ZFP14: variants seen among roughly 807,000 people sequenced by gnomAD.
ZFP14 encodes the protein ZFP14 zinc finger protein.
In ZFP14, 22 loss-of-function variants were observed where a neutral mutation model predicts 54.5. The ratio of observed to expected loss-of-function variants is 0.40; its 90% CI spans 0.29 to 0.58. The LOEUF is 0.58. ZFP14 is among the 20% of genes least tolerant of loss of function. ZFP14 has a pLI of 0.39. For missense variants in ZFP14, 470 were observed against 637.8 expected (o/e 0.74, Z 2.83); for synonymous variants, 159 against 204.0 (o/e 0.78, Z 1.88).
chr19:36,361,398 C>A (rs981459183), intron 3 of ZFP14, among the ~76,000 whole-genome samples: 7 of 152,042 alleles, frequency 4.6e-5, no homozygotes, highest in Non-Finnish European at 8.8e-5. Context: ...CGCCACCATG[C>A]CTGGCTAATT....
At chr19:36,351,902 G>A (rs931508719) in intron 4 of ZFP14, among the ~76,000 whole-genome samples, 2 of 142,696 alleles carry the variant, frequency 1.4e-5, no homozygotes, top group Non-Finnish European at 3.1e-5. Context: ...ATTAAGATCC[G>A]GCCGGGTGTG....
In ZFP14 at chr19:36,360,481, C is replaced by T. The variant is rs150854351; in HGVS notation, c.189G>A (p.Lys63=). Residue 63 remains lysine (K), a synonymous_variant, in exon 4 of 5, where the codon AAG becomes AAA. Coordinates refer to ENST00000270001, the MANE Select transcript of ZFP14 (RefSeq NM_020917.3). ...CTTCCCTCACAACCATCCCAGGTTC[C>T]TTCCTTTCTTCATCCAATAAGGTAA... ...DVITLLDEER[K]EPGMVVREGT... is the part of the protein sequence containing the mutation. 6.2e-7 allele frequency: 1 copy of T among 1,613,724 alleles called. No homozygotes were observed. The highest frequency in any genetic ancestry group is 1.3e-5 in the African/African-American group (1 of 74,936).
chr19:36,340,364 C>A lies in ZFP14; in HGVS notation c.1462G>T (p.Ala488Ser). 1.2e-6 allele frequency: 2 copies of A among 1,614,068 alleles called. No individual in the cohort carries two copies. Among genetic ancestry groups the A allele is most frequent in the Admixed American group, 1.7e-5 (1 of 60,010 alleles). ...KPYECKECGK[A>S]FRLYSFLTQH... ...GTAAGAAATGAATAAAGTCTAAAAG[C>A]CTTACCACATTCCTTACATTCATAA... The change falls in exon 5 of 5, where the codon GCT (alanine) becomes TCT (serine). Residue 488 changes from alanine (A) to serine (S), a missense_variant. Transcript: ENST00000270001. The surrounding 1 kb of genome is among the most constrained non-coding windows in gnomAD (Gnocchi z 5.4).
At chr19:36,351,693 C>A in intron 4 of ZFP14, among the ~76,000 whole-genome samples, 1 of 139,434 alleles carries the variant, frequency 7.2e-6, no homozygotes. Context: ...AGACCCCCAT[C>A]TCTAAAATAA....
rs1197385336 is a variant in ZFP14, at chr19:36,341,596, A to G, written c.236-6T>C. The stretch of plus-strand genomic sequence containing the variant: ...CCTGTATCTGGACTCCAAATCTGAA[A>G]GAAAACAAGAAAGCAAATACATACT... On this transcript the variant is annotated splice_polypyrimidine_tract_variant and splice_region_variant and intron_variant, in intron 4 of 4. Coordinates refer to ENST00000270001, the MANE Select transcript of ZFP14 (RefSeq NM_020917.3). This position sits in a 1 kb window ranked among gnomAD's most constrained non-coding sequence, Gnocchi z 4.2. 6 of 1,543,810 alleles carry G rather than the reference A, an allele frequency of 3.9e-6. No individual in the cohort carries two copies. The South Asian group carries it at 6.3e-5, about 16-fold the overall frequency.
chr19:36,345,704 C>G (rs1302572524), intron 4 of ZFP14, among the ~76,000 whole-genome samples: 3 of 152,090 alleles, frequency 2.0e-5, no homozygotes, highest in Admixed American at 6.5e-5. Context: ...AAAACAAAAT[C>G]ATGAAACCAA....
rs1316279304 is a variant in ZFP14 at position 36,341,306 on chromosome 19, A to G, written c.520T>C (p.Cys174Arg). The change falls in exon 5 of 5, where the codon TGT (cysteine) becomes CGT (arginine). Residue 174 changes from cysteine to arginine, a missense_variant. Physicochemically the swap from Cys to Arg is radical, Grantham distance 180 (BLOSUM62 -3). Transcript: ENST00000270001. This position sits in a 1 kb window ranked among gnomAD's most constrained non-coding sequence, Gnocchi z 4.2. The part of the protein sequence containing the change: ...IVHNGEKVYE[C>R]KECRKTFIRR... Reference sequence around the variant, plus strand: ...ATAAAGGTCTTCCTACACTCCTTACACTCATACACCTTTTCTCCATTATGA... The same window carrying G: ...ATAAAGGTCTTCCTACACTCCTTACGCTCATACACCTTTTCTCCATTATGA... The G allele has an allele frequency of 6.2e-7, 1 of 1,614,022 alleles. No individual in the cohort carries two copies. Among genetic ancestry groups the G allele is most frequent in the Non-Finnish European group, 8.5e-7 (1 of 1,180,044 alleles).
At position 36,352,858 on chromosome 19, in the gene ZFP14, G is replaced by A. The variant is rs182998144; in HGVS notation, c.235+7577C>T. ...TGGGAGGCTGAGGCAGAAGAATGGC[G>A]TGAACCCGGGAGGCGGAGCTTGCAG... On this transcript the variant is annotated intron_variant, in intron 4 of 4. Coordinates refer to ENST00000270001, the MANE Select transcript of ZFP14 (RefSeq NM_020917.3). 1.2e-3 allele frequency among the ~76,000 whole-genome samples: 173 copies of A among 140,130 alleles called. 23 individuals carry two copies. The East Asian group carries it at 0.025, about 20-fold the overall frequency. 91.9% of individuals were successfully genotyped at this position (140,130 alleles called of 152,430 possible). A position where few individuals can be genotyped will look rare whatever the true frequency, so the allele number is the denominator to read the frequency against.
At chr19:36,373,438 C>A (rs968931718) in intron 1 of ZFP14, among the ~76,000 whole-genome samples, 14 of 151,940 alleles carry the variant, frequency 9.2e-5, no homozygotes, top group African/African-American at 3.1e-4. Context: ...TACAAAATTT[C>A]AGTTACATAG....
At chr19:36,369,787 C>A (rs1005866021) in intron 1 of ZFP14, among the ~76,000 whole-genome samples, 2 of 151,826 alleles carry the variant, frequency 1.3e-5, no homozygotes, top group African/African-American at 4.8e-5. Flanking sequence ...GAAATCTGAT[C>A]ATCAGCAATT....
intron 1 of ZFP14, among the ~76,000 whole-genome samples, chr19:36,375,338 A>C (rs1387858594): frequency 6.6e-6 from 1 of 151,836 alleles, no homozygotes; most frequent in African/African-American, 2.4e-5. Flanking sequence ...CATGAGATTG[A>C]TATCTCTTCC....
rs996642513 is a variant in ZFP14, at chr19:36,379,178, C to A, written c.-95G>T. 1 of 152,632 alleles carries A rather than the reference C, an allele frequency of 6.6e-6. No individual in the cohort carries two copies. Among genetic ancestry groups the A allele is most frequent in the East Asian group, 1.9e-4 (1 of 5,184 alleles). 9.5% of individuals were successfully genotyped at this position (152,632 alleles called of 1,614,324 possible). A position where few individuals can be genotyped will look rare whatever the true frequency, so the allele number is the denominator to read the frequency against. On this transcript the variant is annotated 5_prime_UTR_variant, in exon 1 of 5. Transcript: ENST00000270001. ...ACCAACTCACCTCTCGGAGCCGACA[C>A]CAGCAGCGAAGCCGGAAAGAACTGC...
intron 1 of ZFP14, 23 bp downstream of exon 1, chr19:36,379,140 C>T (rs2032011246): frequency 2.0e-5 from 3 of 152,752 alleles, no homozygotes; most frequent in African/African-American, 7.2e-5. Context: ...CGCCCATTGC[C>T]TCGGTGCAAG....
chr19:36,349,261 A>AC (rs2031480772), intron 4 of ZFP14, among the ~76,000 whole-genome samples: 1 of 135,642 alleles, frequency 7.4e-6, no homozygotes, highest in Non-Finnish European at 1.6e-5. Context: ...AAAAAACAAA[A>AC]AAAAAAAAAC....
In ZFP14 at chr19:36,338,006, CAAATTTTTTTTT is replaced by C. The variant is rs1340916714; in HGVS notation, c.*2206_*2217del. 2.6e-5 allele frequency: 4 copies of C among 152,058 alleles called. No homozygotes were observed. The highest frequency in any genetic ancestry group is 2.6e-4 in the Admixed American group (4 of 15,254). The allele number at this position is 152,058 out of a possible 1,614,324, so 9.4% of individuals were successfully genotyped here. On this transcript the variant is annotated 3_prime_UTR_variant, in exon 5 of 5. Transcript: ENST00000270001. Reference sequence around the variant, plus strand: ...AAAAAAGAAAAACCCATTCAAAAAACAAATTTTTTTTTTGAGACAGGGTCTCACTCTGTCACC... The same window carrying C: ...AAAAAAGAAAAACCCATTCAAAAAACTGAGACAGGGTCTCACTCTGTCACC...
intron 1 of ZFP14, among the ~76,000 whole-genome samples, chr19:36,377,495 G>A (rs546938313): frequency 3.3e-5 from 5 of 150,364 alleles, no homozygotes; most frequent in South Asian, 2.1e-4. Context: ...TGCAGGGAGC[G>A]AGATCACTTC....
chr19:36,367,309 C>G (rs548185923), intron 2 of ZFP14, among the ~76,000 whole-genome samples: 1 of 152,234 alleles, frequency 6.6e-6, no homozygotes, highest in African/African-American at 2.4e-5. Flanking sequence ...AACAGGAGGA[C>G]ATTCTGCAGA....
intron 1 of ZFP14, among the ~76,000 whole-genome samples, chr19:36,370,701 A>G (rs571404013): frequency 6.6e-6 from 1 of 152,360 alleles, no homozygotes; most frequent in African/African-American, 2.4e-5. Context: ...GGAGCATCCC[A>G]GCACTATACC....
intron 4 of ZFP14, among the ~76,000 whole-genome samples, chr19:36,353,568 G>A (rs1421235379): frequency 2.1e-5 from 3 of 139,666 alleles, no homozygotes; most frequent in African/African-American, 5.3e-5. Flanking sequence ...GCGTGGTAGC[G>A]TGTGCCTGTA....
Sources: allele counts gnomAD v4.1 joint callset (sites outside exome capture counted in the v4.1 genomes callset), GRCh38; gene constraint gnomAD v4.1.1; non-coding constraint Gnocchi (gnomAD v3.1); transcripts MANE v1.5; gene names NCBI Gene and HGNC (gene_info 2026-07-23, HGNC 2026-07-21).